PC: variants seen among roughly 807,000 people sequenced by gnomAD.
PC encodes pyruvate carboxylase.
In PC, 46 loss-of-function variants were observed where a neutral mutation model predicts 107.8. That is an observed-to-expected ratio of 0.43 (90% CI 0.34 to 0.55). PC has a LOEUF of 0.55. Ranked by LOEUF, PC falls within the 20% of genes least tolerant of loss-of-function variation. The pLI, the probability that PC is intolerant of heterozygous loss-of-function variation, is 0.04. For missense variants in PC, 1,241 were observed against 1,643.1 expected (o/e 0.76, Z 4.23); for synonymous variants, 662 against 684.7 (o/e 0.97, Z 0.52).
At chr11:66,920,911 G>A (rs563538053) in intron 3 of PC, among the ~76,000 whole-genome samples, 1 of 152,140 alleles carries the variant, frequency 6.6e-6, no homozygotes, top group South Asian at 2.1e-4. Flanking sequence ...GGTGGTAGGT[G>A]CCTGTAGTCC....
At position 66,850,397 on chromosome 11, in the gene PC, G is replaced by A. The variant is rs1430962100; in HGVS notation, c.2541C>T (p.Ala847=). Residue 847 remains alanine (A), a synonymous_variant, in exon 19 of 23, where the codon GCC becomes GCT. Transcript: ENST00000393960. ...YWEGARGLYA[A]FDCTATMKSG... ...ACTTCATGGTGGCCGTGCAGTCGAA[G>A]GCCGCGTACAGTCCCCGAGCCCCCT... 4 of 1,614,078 alleles carry A rather than the reference G, an allele frequency of 2.5e-6. No individual in the cohort carries two copies. Among genetic ancestry groups the A allele is most frequent in the Non-Finnish European group, 3.4e-6 (4 of 1,180,004 alleles).
intron 3 of PC, among the ~76,000 whole-genome samples, chr11:66,887,562 C>T (rs891205550): frequency 1.3e-5 from 2 of 151,938 alleles, no homozygotes; most frequent in South Asian, 4.2e-4. Flanking sequence ...TGGGACATTA[C>T]CCAGAAAGAC....
At chr11:66,859,506 T>C in intron 12 of PC, 1 of 1,511,262 alleles carries the variant, frequency 6.6e-7, no homozygotes, top group Non-Finnish European at 8.8e-7. Flanking sequence ...CCTGTTCACC[T>C]TCCTGAGTGA....
chr11:66,934,902 GCC>G (rs1451122030), intron 3 of PC, among the ~76,000 whole-genome samples: 1 of 152,172 alleles, frequency 6.6e-6, no homozygotes, highest in Non-Finnish European at 1.5e-5. Flanking sequence ...ACCGCGCCCA[GCC>G]CCCTGTGTAT....
In PC at chr11:66,858,829, C is replaced by A; in HGVS notation, c.1368+4945G>T. On this transcript the variant is annotated intron_variant, in intron 12 of 22. Transcript: ENST00000393960. This position sits in a 1 kb window ranked among gnomAD's most constrained non-coding sequence, Gnocchi z 5.9. ...ACCAACCCTGCTGGTGAGGCCACAG[C>A]CCGAGTAGAACTGCGGGTGCTGGCC... The A allele has an allele frequency of 6.4e-7, 1 of 1,551,060 alleles. No homozygotes were observed. The highest frequency in any genetic ancestry group is 8.7e-7 in the Non-Finnish European group (1 of 1,148,900).
intron 3 of PC, among the ~76,000 whole-genome samples, chr11:66,935,437 C>T (rs1194701894): frequency 6.6e-6 from 1 of 152,216 alleles, no homozygotes; most frequent in African/African-American, 2.4e-5. Context: ...GAGAAGAGCC[C>T]TGCCTTAGAT....
At chr11:66,902,266 T>A (rs978732068) in intron 3 of PC, among the ~76,000 whole-genome samples, 2 of 152,196 alleles carry the variant, frequency 1.3e-5, no homozygotes, top group Non-Finnish European at 2.9e-5. Context: ...AAACACTGAC[T>A]GGCTCAGAGG....
intron 3 of PC, among the ~76,000 whole-genome samples, chr11:66,885,549 T>C (rs2135994405): frequency 6.7e-6 from 1 of 149,888 alleles, no homozygotes; most frequent in Admixed American, 6.6e-5. Context: ...AAAAATAAAG[T>C]CATTAGGGTG....
At chr11:66,895,062 C>T (rs1184239988) in intron 3 of PC, among the ~76,000 whole-genome samples, 1 of 151,812 alleles carries the variant, frequency 6.6e-6, no homozygotes, top group African/African-American at 2.4e-5. Context: ...AGACCCCTAC[C>T]TCCCCCATCT....
In PC at chr11:66,872,093, G is replaced by A. The variant is rs749154418; in HGVS notation, c.67C>T (p.Pro23Ser). ...LLGIRRTSTA[P>S]AASPNVRRLE... ...CGCCGGACATTTGGGGAGGCAGCGG[G>A]GGCGGTGGAGGTTCGGCGGATTCCC... Residue 23 changes from proline (P) to serine (S), a missense_variant, in exon 4 of 23, where the codon CCC becomes TCC. Around this residue, in one of 2 missense-constraint regions of PC, gnomAD observed 1,143 missense variants for 1,551.9 expected, o/e 0.74. Transcript: ENST00000393960. 1.3e-6 allele frequency: 2 copies of A among 1,570,930 alleles called. No individual in the cohort carries two copies. Among genetic ancestry groups the A allele is most frequent in the South Asian group, 2.3e-5 (2 of 85,420 alleles).
In PC at chr11:66,871,645, C is replaced by T. The variant is rs763197412; in HGVS notation, c.321+42G>A. Reference sequence around the variant, plus strand: ...AGACCCCCGCGGCAACTAAGACTCCCTGGTCCCTGCTGTCCAGGCCCAGCC... The same window carrying T: ...AGACCCCCGCGGCAACTAAGACTCCTTGGTCCCTGCTGTCCAGGCCCAGCC... On this transcript the variant is annotated intron_variant, in intron 5 of 22. Coordinates refer to ENST00000393960, the MANE Select transcript of PC (RefSeq NM_001040716.2). The surrounding 1 kb of genome is among the most constrained non-coding windows in gnomAD (Gnocchi z 7.4). 3.2e-6 allele frequency: 5 copies of T among 1,561,850 alleles called. No homozygotes were observed. The highest frequency in any genetic ancestry group is 2.3e-5 in the South Asian group (2 of 86,134).
intron 12 of PC, chr11:66,860,011 G>GC (rs775204921): frequency 3.8e-6 from 6 of 1,589,534 alleles, no homozygotes; most frequent in Admixed American, 1.8e-5. Flanking sequence ...CCGCCGCGGA[G>GC]CCCCCCGCCC....
At chr11:66,942,313 T>A (rs1325033636) in intron 3 of PC, among the ~76,000 whole-genome samples, 1 of 148,608 alleles carries the variant, frequency 6.7e-6, no homozygotes, top group Non-Finnish European at 1.5e-5. Context: ...GGCAGGAGAA[T>A]GGTGTGAACC....
intron 3 of PC, among the ~76,000 whole-genome samples, chr11:66,939,149 G>A (rs540681076): frequency 7.4e-4 from 112 of 151,850 alleles, no homozygotes; most frequent in South Asian, 6.0e-3. Context: ...ACCAACTGGG[G>A]ATCAAAAATA....
intron 3 of PC, among the ~76,000 whole-genome samples, chr11:66,916,394 A>C (rs569485942): frequency 6.6e-6 from 1 of 152,134 alleles, no homozygotes; most frequent in Admixed American, 6.5e-5. Flanking sequence ...CCTGCCAAGC[A>C]GTTTTGTATG....
intron 3 of PC, among the ~76,000 whole-genome samples, chr11:66,920,576 C>T (rs1195769113): frequency 5.3e-5 from 8 of 152,266 alleles, no homozygotes; most frequent in African/African-American, 1.9e-4. Context: ...ACCCTATAAG[C>T]AACAGCTTCC....
chr11:66,954,698 A>G (rs1005322467), intron 1 of PC, among the ~76,000 whole-genome samples: 6 of 152,196 alleles, frequency 3.9e-5, no homozygotes, highest in Non-Finnish European at 7.3e-5. Context: ...TAATCCCAGC[A>G]CTTTGGGAGG....
At chr11:66,941,625 G>C (rs965009543) in intron 3 of PC, among the ~76,000 whole-genome samples, 1 of 152,056 alleles carries the variant, frequency 6.6e-6, no homozygotes, top group African/African-American at 2.4e-5. Context: ...CCGAGTAGCT[G>C]AGACTACAGG....
intron 1 of PC, among the ~76,000 whole-genome samples, chr11:66,956,679 G>A (rs1262238799): frequency 1.3e-5 from 2 of 152,108 alleles, no homozygotes; most frequent in African/African-American, 2.4e-5. Context: ...CCACTGCAGC[G>A]GCATCAAAAA....
Sources: allele counts gnomAD v4.1 joint callset (sites outside exome capture counted in the v4.1 genomes callset), GRCh38; gene constraint gnomAD v4.1.1; regional missense constraint gnomAD v4.1.1; non-coding constraint Gnocchi (gnomAD v3.1); transcripts MANE v1.5; gene names NCBI Gene and HGNC (gene_info 2026-07-23, HGNC 2026-07-21).